Variants in MCM9 observed in about 807,000 individuals in gnomAD.
The protein encoded by MCM9 is minichromosome maintenance 9 homologous recombination repair factor.
A neutral mutation model predicts 72.8 loss-of-function variants in MCM9; 55 were observed. The ratio of observed to expected loss-of-function variants is 0.76; its 90% confidence interval spans 0.61 to 0.95. The LOEUF (loss-of-function observed/expected upper bound fraction) is 0.95. MCM9 is among the 40% of genes least tolerant of loss of function. The pLI, the probability that MCM9 is intolerant of heterozygous loss-of-function variation, is 0.00. For synonymous variants in MCM9, 480 were observed against 503.4 expected (o/e 0.95, Z 0.62); for missense variants, 1,279 against 1,377.0 (o/e 0.93, Z 1.13).
chr6:118,840,461 T>C (rs920843670), intron 9 of MCM9, among the ~76,000 whole-genome samples: 2 of 152,186 alleles, frequency 1.3e-5, no homozygotes, highest in Non-Finnish European at 2.9e-5. Context: ...CTCCAGTTCC[T>C]TTGGCTACGG....
rs1776596562 is a variant in MCM9 at position 118,856,957 on chromosome 6, T to C, written c.1151-412A>G. On this transcript the variant is annotated intron_variant, in intron 8 of 13. Transcript: ENST00000619706. ...ATTTTAAAGAGAAGGGCATAAAGAC[T>C]TTTATTTGCAGTTAACCAAGAATGG... 2.0e-5 allele frequency among the ~76,000 whole-genome samples: 3 copies of C among 152,224 alleles called. No individual in the cohort carries two copies. In the South Asian group the frequency reaches 6.2e-4, roughly 31 times the overall value.
At chr6:118,871,878 G>T (rs983953760) in intron 8 of MCM9, among the ~76,000 whole-genome samples, 1 of 152,072 alleles carries the variant, frequency 6.6e-6, no homozygotes, top group Middle Eastern at 3.2e-3. Context: ...CCGAATTCCA[G>T]CCTGGCGACA....
intron 9 of MCM9, among the ~76,000 whole-genome samples, chr6:118,840,487 CAAT>C (rs1222565829): frequency 6.6e-6 from 1 of 152,170 alleles, no homozygotes; most frequent in Non-Finnish European, 1.5e-5. Flanking sequence ...CCTATCCCAA[CAAT>C]GTTTGAGTGG....
intron 9 of MCM9, among the ~76,000 whole-genome samples, chr6:118,846,737 A>G (rs1332552788): frequency 6.6e-6 from 1 of 151,828 alleles, no homozygotes. Flanking sequence ...TATGGAAAAC[A>G]CTATTAAGTA....
At chr6:118,874,835 C>T (rs566758094) in intron 8 of MCM9, among the ~76,000 whole-genome samples, 16 of 152,304 alleles carry the variant, frequency 1.1e-4, no homozygotes, top group Non-Finnish European at 1.5e-4. Flanking sequence ...TACCATTGGC[C>T]GGGCACAGTG....
At chr6:118,877,568 A>C (rs1214227585) in intron 8 of MCM9, among the ~76,000 whole-genome samples, 2 of 152,216 alleles carry the variant, frequency 1.3e-5, no homozygotes, top group African/African-American at 4.8e-5. Context: ...GTTGTGAGGC[A>C]AAGTCAACTC....
At chr6:118,880,095 G>T (rs1301127176) in intron 8 of MCM9, among the ~76,000 whole-genome samples, 2 of 151,174 alleles carry the variant, frequency 1.3e-5, no homozygotes, top group Non-Finnish European at 3.0e-5. Flanking sequence ...AATAAAAAGG[G>T]CAATGAAATA....
chr6:118,933,761 A>G (rs1246986001), intron 1 of MCM9, among the ~76,000 whole-genome samples: 1 of 152,188 alleles, frequency 6.6e-6, no homozygotes, highest in African/African-American at 2.4e-5. Context: ...TAAGAAGTAC[A>G]TATAGCAGTT....
At chr6:118,919,234 G>A (rs1781217263) in intron 5 of MCM9, 1 of 152,220 alleles carries the variant, frequency 6.6e-6, no homozygotes, top group Admixed American at 6.5e-5. Flanking sequence ...TCAATAAGCA[G>A]TGATTATGTG....
chr6:118,916,972 A>T (rs1583660187), intron 6 of MCM9, among the ~76,000 whole-genome samples: 1 of 152,224 alleles, frequency 6.6e-6, no homozygotes, highest in African/African-American at 2.4e-5. Flanking sequence ...AGGCACTTGA[A>T]GATTTAATTG....
chr6:118,857,742 C>T (rs1174508213), intron 8 of MCM9, among the ~76,000 whole-genome samples: 1 of 150,716 alleles, frequency 6.6e-6, no homozygotes, highest in African/African-American at 2.4e-5. Flanking sequence ...CTATGAATAA[C>T]TCTATGCCAT....
intron 8 of MCM9, among the ~76,000 whole-genome samples, chr6:118,880,673 T>C (rs1778230031): frequency 6.6e-6 from 1 of 152,238 alleles, no homozygotes; most frequent in African/African-American, 2.4e-5. Context: ...GTACTTCTAA[T>C]GATTAAAAGG....
Position 118,829,182 on chromosome 6 carries a change from G to C in MCM9, c.1394C>G (p.Pro465Arg). Residue 465 changes from proline to arginine, a missense_variant, in exon 10 of 14, where the codon CCC becomes CGC. Transcript: ENST00000619706. ...AATNPKGQYDPQESVSVNIAL... is the reference protein window; with the variant it reads ...AATNPKGQYDRQESVSVNIAL... ...AATGTTCACAGACACGGACTCCTGGGGGTCGTACTGGCCTTTGGGGTTCGT... is the reference window on the plus strand; with the variant it reads ...AATGTTCACAGACACGGACTCCTGGCGGTCGTACTGGCCTTTGGGGTTCGT... 6.4e-7 allele frequency: 1 copy of C among 1,550,666 alleles called. No individual in the cohort carries two copies. The highest frequency in any genetic ancestry group is 8.7e-7 in the Non-Finnish European group (1 of 1,147,026).
chr6:118,898,975 A>G (rs1779620188), intron 8 of MCM9, among the ~76,000 whole-genome samples: 1 of 152,180 alleles, frequency 6.6e-6, no homozygotes. Flanking sequence ...TCTGCTTAGA[A>G]GCAGACATCT....
Position 118,815,745 on chromosome 6 carries a change from G to A in MCM9, c.2511C>T (p.Asp837=). 6.5e-7 allele frequency: 1 copy of A among 1,543,788 alleles called. No individual in the cohort carries two copies. Among genetic ancestry groups the A allele is most frequent in the South Asian group, 1.2e-5 (1 of 84,012 alleles). Residue 837 remains aspartate (D), a synonymous_variant, in exon 14 of 14, where the codon GAC becomes GAT. Coordinates refer to ENST00000619706, the MANE Select transcript of MCM9 (RefSeq NM_017696.3). ...TGGGGACATGATGAGTCAGTACTGA[G>A]TCTGGTTTATCAGCAGAGACTGCTG... ...SEAAVSADKP[D]SVLTHHVPRN...
chr6:118,851,024 T>C (rs761684014), intron 9 of MCM9, among the ~76,000 whole-genome samples: 5 of 151,670 alleles, frequency 3.3e-5, no homozygotes, highest in Non-Finnish European at 7.4e-5. Flanking sequence ...TCTTGCCATC[T>C]TGCTCAGTCT....
chr6:118,904,997 C>A (rs1019579346), intron 8 of MCM9, among the ~76,000 whole-genome samples: 8 of 152,096 alleles, frequency 5.3e-5, no homozygotes, highest in African/African-American at 1.9e-4. Context: ...GCCACCATGC[C>A]CAGCTAATTT....
At chr6:118,900,240 C>A (rs1050489709) in intron 8 of MCM9, among the ~76,000 whole-genome samples, 2 of 152,092 alleles carry the variant, frequency 1.3e-5, no homozygotes, top group African/African-American at 4.8e-5. Context: ...TACTTCTGAG[C>A]CATGAGGGAG....
In MCM9 at chr6:118,922,652, T is replaced by C. The variant is rs1781524640; in HGVS notation, c.622-566A>G. Among the ~76,000 whole-genome samples, 3 of 152,230 alleles carry C rather than the reference T, an allele frequency of 2.0e-5. 1 individual carries two copies. The South Asian group carries it at 6.2e-4, about 32-fold the overall frequency. Reference sequence around the variant, plus strand: ...GTTAGGTGGTAGGCACTTTTGCCTATTGTTCTCTGACTACAACACACATGT... The same window carrying C: ...GTTAGGTGGTAGGCACTTTTGCCTACTGTTCTCTGACTACAACACACATGT... On this transcript the variant is annotated intron_variant, in intron 4 of 13. Coordinates refer to ENST00000619706, the MANE Select transcript of MCM9 (RefSeq NM_017696.3).
Sources: allele counts gnomAD v4.1 joint callset (sites outside exome capture counted in the v4.1 genomes callset), GRCh38; gene constraint gnomAD v4.1.1; transcripts MANE v1.5; gene names NCBI Gene and HGNC (gene_info 2026-07-23, HGNC 2026-07-21).